CPHXL: variants seen among roughly 807,000 people sequenced by gnomAD.
The protein encoded by CPHXL is cytoplasmic polyadenylated homeobox like.
At chr16:75,719,375 G>A (rs979062213) in intron 1 of CPHXL, among the ~76,000 whole-genome samples, 4 of 152,152 alleles carry the variant, frequency 2.6e-5, no homozygotes, top group Non-Finnish European at 5.9e-5. Context: ...GGTGACAGAC[G>A]GCACCAGGAA....
At chr16:75,725,266 A>G (rs1235676308) in intron 1 of CPHXL, among the ~76,000 whole-genome samples, 1 of 152,100 alleles carries the variant, frequency 6.6e-6, no homozygotes, top group Non-Finnish European at 1.5e-5. Flanking sequence ...CCTAAAACTT[A>G]AAGTATAATA....
At chr16:75,716,621 T>A (rs1489426136) in intron 2 of CPHXL, among the ~76,000 whole-genome samples, 1 of 152,198 alleles carries the variant, frequency 6.6e-6, no homozygotes, top group Admixed American at 6.5e-5. Context: ...CTCTTCAAAC[T>A]CAGTGTCTTT....
At chr16:75,716,080 A>G (rs985052238) in intron 2 of CPHXL, among the ~76,000 whole-genome samples, 2 of 152,034 alleles carry the variant, frequency 1.3e-5, no homozygotes, top group Admixed American at 1.3e-4. Flanking sequence ...TGTTTGAATA[A>G]CTTCTTGACC....
At position 75,718,266 on chromosome 16, in the gene CPHXL, T is replaced by C. The variant is rs1044625149; in HGVS notation, c.218A>G (p.Asp73Gly). 10 of 398,622 alleles carry C rather than the reference T, an allele frequency of 2.5e-5. No individual in the cohort carries two copies. The highest frequency in any genetic ancestry group is 1.8e-5 in the Non-Finnish European group (4 of 226,182). The allele number at this position is 398,622 out of a possible 1,614,324, so 24.7% of individuals were successfully genotyped here. A position where few individuals can be genotyped will look rare whatever the true frequency, so the allele number is the denominator to read the frequency against. Residue 73 changes from aspartate (D) to glycine (G), a missense_variant and splice_region_variant, in exon 2 of 3, where the codon GAT becomes GGT. By Grantham distance (94) the Asp-to-Gly change is moderately conservative (BLOSUM62 -1). Transcript: ENST00000640559. The stretch of plus-strand genomic sequence containing the variant: ...ATACATATGAGGTCTTGAACTTACA[T>C]CTATCACATTTACCGGACAATCAAA... The part of the protein sequence containing the change: ...IKFDCPVNVI[D>G]NWFQNKRARL...
intron 1 of CPHXL, among the ~76,000 whole-genome samples, chr16:75,719,084 T>C (rs1374455678): frequency 1.3e-5 from 2 of 152,232 alleles, no homozygotes; most frequent in Non-Finnish European, 2.9e-5. Context: ...ATATTTGCTA[T>C]TTTTGGCATG....
rs1265581681 is a variant in CPHXL, at chr16:75,721,987, C to A, written c.26-3529G>T. Among the ~76,000 whole-genome samples, 3 of 152,174 alleles carry A rather than the reference C, an allele frequency of 2.0e-5. No individual in the cohort carries two copies. In the East Asian group the frequency reaches 5.8e-4, roughly 29 times the overall value. ...GCTCAATTACATGGAAACTGAACAA[C>A]CTGCTCCTGAATGACTACTGGGTAC... On this transcript the variant is annotated intron_variant, in intron 1 of 2. Coordinates refer to ENST00000640559, the MANE Select transcript of CPHXL (RefSeq NM_001355613.1).
chr16:75,719,862 C>T (rs913148822), intron 1 of CPHXL, among the ~76,000 whole-genome samples: 1 of 152,150 alleles, frequency 6.6e-6, no homozygotes, highest in African/African-American at 2.4e-5. Flanking sequence ...CCAGTAGGGG[C>T]AGACTGACAC....
intron 2 of CPHXL, among the ~76,000 whole-genome samples, chr16:75,717,956 C>G (rs1959417240): frequency 6.6e-6 from 1 of 152,168 alleles, no homozygotes; most frequent in Admixed American, 6.5e-5. Context: ...GATGTGGTGA[C>G]TCACGCTTGT....
chr16:75,721,155 A>G (rs577870121), intron 1 of CPHXL, among the ~76,000 whole-genome samples: 2 of 152,322 alleles, frequency 1.3e-5, no homozygotes, highest in South Asian at 4.1e-4. Flanking sequence ...AACATGCTCA[A>G]TTGTTAAGAC....
At chr16:75,725,407 A>T (rs1164259400) in intron 1 of CPHXL, among the ~76,000 whole-genome samples, 6 of 151,214 alleles carry the variant, frequency 4.0e-5, no homozygotes, top group South Asian at 4.2e-4. Context: ...TTGCACCTCA[A>T]CTTTTGTAGT....
Position 75,714,975 on chromosome 16 carries a change from C to A in CPHXL, c.467G>T (p.Cys156Phe), listed in dbSNP as rs1959369602. 1 of 398,484 alleles carries A rather than the reference C, an allele frequency of 2.5e-6. No individual in the cohort carries two copies. Among genetic ancestry groups the A allele is most frequent in the Non-Finnish European group, 4.4e-6 (1 of 226,070 alleles). The allele number at this position is 398,484 out of a possible 1,614,324, so 24.7% of individuals were successfully genotyped here. ...WIPSQEMGYN[C>F]FSLENQETPS... ...AGTCTCTTGGTTCTCCAAAGAGAAACAATTATAGCCCATTTCTTGACTGGG... is the reference window on the plus strand; with the variant it reads ...AGTCTCTTGGTTCTCCAAAGAGAAAAAATTATAGCCCATTTCTTGACTGGG... Residue 156 changes from cysteine (C) to phenylalanine (F), a missense_variant, in exon 3 of 3, where the codon TGT (cysteine) becomes TTT (phenylalanine). Transcript: ENST00000640559.
At chr16:75,717,444 G>T (rs1001264911) in intron 2 of CPHXL, among the ~76,000 whole-genome samples, 1 of 152,150 alleles carries the variant, frequency 6.6e-6, no homozygotes, top group East Asian at 1.9e-4. Flanking sequence ...TATATAAAAC[G>T]GTGTAGTATT....
chr16:75,720,772 A>G (rs548983804), intron 1 of CPHXL, among the ~76,000 whole-genome samples: 34 of 152,218 alleles, frequency 2.2e-4, no homozygotes, highest in Middle Eastern at 3.4e-3. Context: ...GATACTCCTC[A>G]AGAAGAGCAA....
intron 2 of CPHXL, 25 bp downstream of exon 2, chr16:75,718,240 T>A (rs1959421883): frequency 2.5e-6 from 1 of 397,970 alleles, no homozygotes; most frequent in South Asian, 1.3e-4. Flanking sequence ...ATCTAGGAAA[T>A]ATACATATGA....
intron 1 of CPHXL, among the ~76,000 whole-genome samples, chr16:75,721,285 C>A (rs551017048): frequency 1.3e-5 from 2 of 152,108 alleles, no homozygotes; most frequent in Non-Finnish European, 2.9e-5. Flanking sequence ...GCTAAATGCT[C>A]CAATTAAAAG....
chr16:75,719,282 G>A (rs749834279), intron 1 of CPHXL, among the ~76,000 whole-genome samples: 2 of 152,188 alleles, frequency 1.3e-5, no homozygotes, highest in East Asian at 1.9e-4. Context: ...AGGGCACCGA[G>A]CATGAGCCGA....
intron 2 of CPHXL, among the ~76,000 whole-genome samples, chr16:75,716,285 G>A (rs1313905358): frequency 6.6e-6 from 1 of 152,178 alleles, no homozygotes; most frequent in Non-Finnish European, 1.5e-5. Flanking sequence ...TGGAAATACT[G>A]TCAGATCCCA....
intron 1 of CPHXL, among the ~76,000 whole-genome samples, chr16:75,723,837 C>T (rs917490851): frequency 3.9e-5 from 6 of 152,186 alleles, no homozygotes; most frequent in Non-Finnish European, 2.9e-5. Flanking sequence ...CATCATGCTA[C>T]CTGACTTCAA....
At chr16:75,720,114 A>G (rs1247172664) in intron 1 of CPHXL, among the ~76,000 whole-genome samples, 1 of 152,216 alleles carries the variant, frequency 6.6e-6, no homozygotes, top group Non-Finnish European at 1.5e-5. Flanking sequence ...TGTCACCATC[A>G]TCAAAGACCA....
Sources: gnomAD v4.1 joint callset for allele counts (sites outside exome capture counted in the v4.1 genomes callset) on GRCh38, gnomAD v4.1.1 for gene constraint, MANE v1.5 for transcripts, NCBI Gene and HGNC (gene_info 2026-07-23, HGNC 2026-07-21) for gene names.